KRT8: variants seen among roughly 807,000 people sequenced by gnomAD.
The protein encoded by KRT8 is keratin 8.
KRT8 carries 24 observed loss-of-function variants against 43.0 expected under a neutral mutation model. That is an observed-to-expected ratio of 0.56 (90% CI 0.40 to 0.78). The LOEUF is 0.78. Among genes scored for constraint, KRT8 ranks in the 30% least tolerant of loss-of-function variants. The pLI is 0.00. For missense variants in KRT8, 492 were observed against 638.4 expected, an observed-to-expected ratio of 0.77 and a Z score of 2.47; for synonymous variants, 214 against 261.2, an observed-to-expected ratio of 0.82 and a Z score of 1.74.
At chr12:52,902,830 A>G (rs1430521231) in intron 1 of KRT8, among the ~76,000 whole-genome samples, 1 of 151,956 alleles carries the variant, frequency 6.6e-6, no homozygotes, top group Non-Finnish European at 1.5e-5. Flanking sequence ...TGGCCAACAT[A>G]TTGAAACCCT....
intron 2 of KRT8, among the ~76,000 whole-genome samples, chr12:52,916,723 G>C (rs924076032): frequency 2.6e-5 from 4 of 152,174 alleles, no homozygotes; most frequent in African/African-American, 7.2e-5. Context: ...GCACGATGAG[G>C]CTGTCTCAAA....
At chr12:52,948,970 G>A in intron 2 of KRT8, 1 of 469,992 alleles carries the variant, frequency 2.1e-6, no homozygotes, top group Non-Finnish European at 3.7e-6. Context: ...TGCGCGGAGG[G>A]CGCGGGGGTG....
rs1555189901 is a variant in KRT8 at position 52,937,385 on chromosome 12, A to AG, written c.-47+12070_-47+12071insC. Among the ~76,000 whole-genome samples the AG allele has an allele frequency of 2.9e-4, 44 of 150,160 alleles. No homozygotes were observed. In the South Asian group the frequency reaches 2.9e-3, roughly 10 times the overall value. On this transcript the variant is annotated intron_variant, in intron 2 of 6. Coordinates refer to the KRT8 transcript ENST00000546826. Reference sequence around the variant, plus strand: ...AAGACTCGGTCTCTAAAAAAAAAAAAAGAGAGAGAGATACAGATGGGGCAG... The same window carrying AG: ...AAGACTCGGTCTCTAAAAAAAAAAAAGAGAGAGAGAGATACAGATGGGGCAG...
At chr12:52,932,947 T>G (rs931907876) in intron 2 of KRT8, among the ~76,000 whole-genome samples, 1 of 152,196 alleles carries the variant, frequency 6.6e-6, no homozygotes, top group African/African-American at 2.4e-5. Context: ...GTTTTTTGTT[T>G]TTGTTTTTAT....
At chr12:52,948,749 C>A (rs1942396684) in intron 2 of KRT8, 1 of 401,980 alleles carries the variant, frequency 2.5e-6, no homozygotes, top group South Asian at 1.2e-4. Context: ...CTAGGCCTCC[C>A]AAAGTGCTGA....
At chr12:52,923,473 A>G (rs547768029) in intron 2 of KRT8, among the ~76,000 whole-genome samples, 23 of 152,270 alleles carry the variant, frequency 1.5e-4, no homozygotes, top group Admixed American at 1.2e-3. Flanking sequence ...AGGTTGGAGT[A>G]CAGTGGCTTA....
At chr12:52,947,731 G>A (rs1187282546) in intron 2 of KRT8, 1 of 122,192 alleles carries the variant, frequency 8.2e-6, no homozygotes, top group Non-Finnish European at 1.6e-5. Context: ...TTTTGAGACA[G>A]AGTCTTGCTC....
chr12:52,900,845 A>C, intron 3 of KRT8, 162 bp from the exon 4 acceptor site: 1 of 668,512 alleles, frequency 1.5e-6, no homozygotes, highest in South Asian at 1.7e-5. Flanking sequence ...GTGCATTCTC[A>C]GCCCACACAC....
intron 1 of KRT8, chr12:52,949,700 G>T: frequency 9.8e-7 from 1 of 1,020,926 alleles, no homozygotes; most frequent in Non-Finnish European, 1.5e-6. Flanking sequence ...TCCACCGGGA[G>T]GGGGTTGGGC....
chr12:52,908,760 C>A (rs1941573840), upstream of KRT8, among the ~76,000 whole-genome samples: 1 of 152,176 alleles, frequency 6.6e-6, no homozygotes, highest in African/African-American at 2.4e-5. Context: ...AATCCCAGCA[C>A]TTTGGGAGGT....
In KRT8 at chr12:52,917,708, C is replaced by CAAAAAAAAA. The variant is rs535303270; in HGVS notation, c.-46-12690_-46-12682dup. On this transcript the variant is annotated intron_variant, in intron 2 of 6. Coordinates refer to the KRT8 transcript ENST00000546826. ...TGGGTGATAGGGCGAGACTCTGTCT[C>CAAAAAAAAA]AAAAAAAAAAAAAAAAAAAAATTCG... Among the ~76,000 whole-genome samples the CAAAAAAAAA allele has an allele frequency of 1.0e-4, 3 of 29,962 alleles. 1 individual carries two copies. The highest frequency in any genetic ancestry group is 6.2e-4 in the Admixed American group (2 of 3,246). The allele number at this position is 29,962 out of a possible 152,430, so 19.7% of individuals were successfully genotyped here.
chr12:52,917,633 C>T (rs915855428), intron 2 of KRT8, among the ~76,000 whole-genome samples: 4 of 148,984 alleles, frequency 2.7e-5, no homozygotes, highest in Admixed American at 6.8e-5. Flanking sequence ...TGCTTGAACT[C>T]GGGAGGTGAA....
intron 2 of KRT8, among the ~76,000 whole-genome samples, chr12:52,945,597 A>C (rs1225639131): frequency 1.3e-5 from 2 of 152,076 alleles, no homozygotes; most frequent in African/African-American, 4.8e-5. Flanking sequence ...TTTGTGGGAG[A>C]ATGTGGAGTG....
At chr12:52,905,078 G>A, upstream of KRT8, 3 of 1,492,758 alleles carry the variant, frequency 2.0e-6, no homozygotes, top group East Asian at 7.4e-5. Context: ...CTCAGGAATG[G>A]CCTTTTATAA....
chr12:52,934,528 C>T (rs1942135336), intron 2 of KRT8, among the ~76,000 whole-genome samples: 1 of 152,034 alleles, frequency 6.6e-6, no homozygotes, highest in Non-Finnish European at 1.5e-5. Context: ...CCATTGCACT[C>T]CAATCTGGTG....
upstream of KRT8, among the ~76,000 whole-genome samples, chr12:52,907,347 G>A (rs994632682): frequency 2.0e-5 from 3 of 152,204 alleles, no homozygotes; most frequent in African/African-American, 7.2e-5. Context: ...GAGGGAGGGA[G>A]GGGCTGGTCA....
intron 2 of KRT8, 61 bp from the exon 3 acceptor site, chr12:52,901,280 T>C: frequency 8.6e-7 from 1 of 1,163,342 alleles, no homozygotes; most frequent in East Asian, 2.3e-5. Flanking sequence ...CCTTGGTCTT[T>C]TGGGAGACAG....
intron 2 of KRT8, among the ~76,000 whole-genome samples, chr12:52,921,360 G>C (rs575266629): frequency 1.3e-5 from 2 of 152,256 alleles, no homozygotes; most frequent in South Asian, 4.1e-4. Flanking sequence ...CTCTCTGAGG[G>C]AGAGGACCAG....
rs1555189967 is a variant in KRT8, at chr12:52,938,170, A to ATATAT, written c.-47+11285_-47+11286insATATA. Among the ~76,000 whole-genome samples, 58 of 30,278 alleles carry ATATAT rather than the reference A, an allele frequency of 1.9e-3. 2 individuals carry two copies. The highest frequency in any genetic ancestry group is 2.7e-3 in the South Asian group (2 of 742). 19.9% of individuals were successfully genotyped at this position (30,278 alleles called of 152,430 possible). On this transcript the variant is annotated intron_variant, in intron 2 of 6. Transcript: ENST00000546826. ...TATATATATATATATATATATATAT[A>ATATAT]TTTTTTTTTTTTTTTATATATAAGG...
Sources: allele counts gnomAD v4.1 joint callset (sites outside exome capture counted in the v4.1 genomes callset), GRCh38; gene constraint gnomAD v4.1.1; transcripts MANE v1.5; gene names NCBI Gene and HGNC (gene_info 2026-07-23, HGNC 2026-07-21).